Variants in SH2D3A observed in about 807,000 individuals in gnomAD.
SH2D3A encodes SH2 domain-containing protein 3A.
A neutral mutation model predicts 50.6 loss-of-function variants in SH2D3A; 46 were observed. The observed-to-expected ratio is 0.91, with a 90% CI of 0.72 to 1.16. SH2D3A has a LOEUF of 1.16. Among genes scored for constraint, SH2D3A ranks in the 50% most tolerant of loss-of-function variants. The pLI, the probability that SH2D3A is intolerant of heterozygous loss-of-function variation, is 0.00. For synonymous variants in SH2D3A, 377 were observed against 348.4 expected, an observed-to-expected ratio of 1.08 and a Z score of -0.91; for missense variants, 783 against 786.2, an observed-to-expected ratio of 1.00 and a Z score of 0.05.
At chr19:6,761,141 C>A in intron 2 of SH2D3A, 154 bp from the exon 3 acceptor site, 3 of 631,910 alleles carry the variant, frequency 4.7e-6, no homozygotes, top group Non-Finnish European at 8.2e-6. Context: ...ACACCAAGTT[C>A]TGTCCCCCTT....
chr19:6,756,135 TAGAG>T (rs1458791646), intron 4 of SH2D3A, among the ~76,000 whole-genome samples: 1 of 147,998 alleles, frequency 6.8e-6, no homozygotes. Flanking sequence ...ATCATATCTA[TAGAG>T]ATAGATATAT....
In SH2D3A at chr19:6,754,954, G is replaced by C. The variant is rs749560610; in HGVS notation, c.858C>G (p.Pro286=). 4.3e-6 allele frequency: 7 copies of C among 1,613,808 alleles called. No individual in the cohort carries two copies. The highest frequency in any genetic ancestry group is 2.2e-5 in the East Asian group (1 of 44,888). Residue 286 remains proline (P), a synonymous_variant, in exon 5 of 10, where the codon CCC becomes CCG. Coordinates refer to ENST00000245908, the MANE Select transcript of SH2D3A (RefSeq NM_005490.3). Reference sequence around the variant, plus strand: ...GATTCTGGGGGCCCAGCAGGCAGGAGGGGGCATCATGGGGGCAGAAAGAGA... The same window carrying C: ...GATTCTGGGGGCCCAGCAGGCAGGACGGGGCATCATGGGGGCAGAAAGAGA... ...AEISFCPHDA[P]SCLLGPQNRP... is the part of the protein sequence containing the mutation.
At chr19:6,753,943 A>G in intron 8 of SH2D3A, 109 bp downstream of exon 8, 1 of 1,335,012 alleles carries the variant, frequency 7.5e-7, no homozygotes, top group Non-Finnish European at 1.0e-6. Flanking sequence ...GCCTATGGTG[A>G]AGGGACCGGG....
chr19:6,762,356 TG>T (rs1970070266), intron 2 of SH2D3A, among the ~76,000 whole-genome samples: 2 of 151,170 alleles, frequency 1.3e-5, no homozygotes, highest in African/African-American at 4.9e-5. Flanking sequence ...GCTACTTTTT[TG>T]TATTTTTAGT....
intron 1 of SH2D3A, among the ~76,000 whole-genome samples, chr19:6,765,788 G>A (rs867720114): frequency 4.6e-4 from 69 of 150,286 alleles, no homozygotes; most frequent in African/African-American, 1.7e-3. Flanking sequence ...CCAGGGTTAA[G>A]ATTTTTAAAA....
At chr19:6,753,965 T>TG in intron 8 of SH2D3A, 87 bp downstream of exon 8, 2 of 1,432,076 alleles carry the variant, frequency 1.4e-6, no homozygotes. Context: ...CTAGAACAGA[T>TG]GCAGGGACTG....
In SH2D3A at chr19:6,763,751, A is replaced by G. The variant is rs377444275; in HGVS notation, c.-3T>C. 16 of 1,612,064 alleles carry G rather than the reference A, an allele frequency of 9.9e-6. No individual in the cohort carries two copies. The highest frequency in any genetic ancestry group is 1.4e-5 in the Non-Finnish European group (16 of 1,179,476). On this transcript the variant is annotated 5_prime_UTR_variant, in exon 2 of 10. Transcript: ENST00000245908. ...TCTCCATCCTGTGGCACCTGCATGG[A>G]GCTCTTGGGAACAGAGGGTGCCAGG...
chr19:6,752,576 G>A lies in SH2D3A; in HGVS notation c.*17C>T, dbSNP rs1969374954. On this transcript the variant is annotated 3_prime_UTR_variant, in exon 10 of 10. Coordinates refer to ENST00000245908, the MANE Select transcript of SH2D3A (RefSeq NM_005490.3). The stretch of plus-strand genomic sequence containing the variant: ...AAAACCTGGGGGTCCCGGGTGTGAA[G>A]AAGGGTGTCTGCGCTCTCAGCGGTC... 2 of 1,524,042 alleles carry A rather than the reference G, an allele frequency of 1.3e-6. No homozygotes were observed. Among genetic ancestry groups the A allele is most frequent in the East Asian group, 2.4e-5 (1 of 41,898 alleles). 94.4% of individuals were successfully genotyped at this position (1,524,042 alleles called of 1,614,324 possible). A position where few individuals can be genotyped will look rare whatever the true frequency, so the allele number is the denominator to read the frequency against.
At chr19:6,758,650 T>A (rs1969834062) in intron 4 of SH2D3A, 1 of 152,278 alleles carries the variant, frequency 6.6e-6, no homozygotes, top group Non-Finnish European at 1.5e-5. Flanking sequence ...CAAAATTGCC[T>A]TATTTTTGTG....
At chr19:6,754,454 G>A in intron 6 of SH2D3A, 29 bp from the exon 7 acceptor site, 2 of 1,530,402 alleles carry the variant, frequency 1.3e-6, no homozygotes, top group South Asian at 1.3e-5. Context: ...AGGGTCTGGG[G>A]GAAGTGGGGA....
At position 6,754,645 on chromosome 19, in the gene SH2D3A, TC is replaced by T. The variant is rs1295590682; in HGVS notation, c.1067del (p.Gly356AspfsTer4). The T allele has an allele frequency of 6.2e-6, 10 of 1,614,064 alleles. No individual in the cohort carries two copies. In the Middle Eastern group the frequency reaches 4.9e-4, roughly 80 times the overall value. On this transcript the variant is annotated frameshift_variant, in exon 6 of 10. Coordinates refer to ENST00000245908, the MANE Select transcript of SH2D3A (RefSeq NM_005490.3). LOFTEE classifies it high-confidence loss of function. ...SGLELLTLPH[G>X]HHLRLELLER... ...CCAGCAGTTCCAACCTCAAGTGGTG[TC>T]CATGGGGAAGAGTGAGCAGCTCCAG...
chr19:6,760,828 G>A lies in SH2D3A; in HGVS notation c.229C>T (p.Leu77Phe), dbSNP rs368368775. 1 of 1,614,280 alleles carries A rather than the reference G, an allele frequency of 6.2e-7. No individual in the cohort carries two copies. The highest frequency in any genetic ancestry group is 1.7e-5 in the Admixed American group (1 of 60,026). ...AATTGCTCATCCTCCAGTTGAAAGA[G>A]GGCTGTGGGTCGGCCTGGCCGGGGA... is the stretch of plus-strand genomic sequence containing the variant. ...LRPRPGRPTA[L>F]FQLEDEQFPS... The change falls in exon 3 of 10, where the codon CTC (leucine) becomes TTC (phenylalanine). Residue 77 changes from leucine (L) to phenylalanine (F), a missense_variant. Transcript: ENST00000245908.
At chr19:6,755,660 A>C (rs969644471) in intron 4 of SH2D3A, among the ~76,000 whole-genome samples, 8 of 151,486 alleles carry the variant, frequency 5.3e-5, no homozygotes, top group Admixed American at 2.0e-4. Context: ...AACTGCTGGG[A>C]TCACAGGCAT....
Position 6,754,606 on chromosome 19 carries a change from G to A in SH2D3A, c.1097+10C>T. The A allele has an allele frequency of 6.2e-7, 1 of 1,614,106 alleles. No individual in the cohort carries two copies. The highest frequency in any genetic ancestry group is 8.5e-7 in the Non-Finnish European group (1 of 1,179,954). On this transcript the variant is annotated intron_variant, in intron 6 of 9. Transcript: ENST00000245908. ...CCTCCCCCAACCAAGATTACAAGCT[G>A]CTGGCTCACCTCTCCAGCAGTTCCA...
At chr19:6,752,782 CG>C in intron 9 of SH2D3A, 29 bp from the exon 10 acceptor site, 1 of 1,497,158 alleles carries the variant, frequency 6.7e-7, no homozygotes, top group Non-Finnish European at 9.0e-7. Context: ...GGGCTGGGGG[CG>C]GGGCCCAGGC....
Position 6,754,730 on chromosome 19 carries a change from G to T in SH2D3A, c.983C>A (p.Ala328Asp). 6.2e-7 allele frequency: 1 copy of T among 1,613,902 alleles called. No homozygotes were observed. Among genetic ancestry groups the T allele is most frequent in the East Asian group, 2.2e-5 (1 of 44,882 alleles). Residue 328 changes from alanine (A) to aspartate (D), a missense_variant and splice_region_variant, in exon 6 of 10, where the codon GCC (alanine) becomes GAC (aspartate). By Grantham distance (126) the Ala-to-Asp change is moderately radical (BLOSUM62 -2). Transcript: ENST00000245908. ...TCTGGTCACTCCCAGGAGGCCTGTG[G>T]CCTGCAGAAGGGAATGGGGAAGTCA... ...ALHLLLVDCQATGLLGVTRDQ... is the reference protein window; with the variant it reads ...ALHLLLVDCQDTGLLGVTRDQ...
In SH2D3A at chr19:6,753,471, C is replaced by A; in HGVS notation, c.1555G>T (p.Ala519Ser). 6.6e-7 allele frequency: 1 copy of A among 1,518,656 alleles called. No homozygotes were observed. The highest frequency in any genetic ancestry group is 8.9e-7 in the Non-Finnish European group (1 of 1,127,300). The allele number at this position is 1,518,656 out of a possible 1,614,324, so 94.1% of individuals were successfully genotyped here. A position where few individuals can be genotyped will look rare whatever the true frequency, so the allele number is the denominator to read the frequency against. The change falls in exon 9 of 10, where the codon GCC becomes TCC. Residue 519 changes from alanine to serine, a missense_variant. Physicochemically the swap from Ala to Ser is moderately conservative, Grantham distance 99. Coordinates refer to ENST00000245908, the MANE Select transcript of SH2D3A (RefSeq NM_005490.3). ...RDAPKFRKVA[A>S]QRLRGFRPNP... The stretch of plus-strand genomic sequence containing the variant: ...GAACGCTCACCTCGCAGGCGCTGGG[C>A]TGCCACCTTGCGGAATTTGGGTGCG...
chr19:6,752,444 G>C lies in SH2D3A; in HGVS notation c.*149C>G, dbSNP rs574811997. ...CAGGTCACATGTTCACCATGGTCCA[G>C]GTGACCCTGACTGCGGTCCCCACCT... is the stretch of plus-strand genomic sequence containing the variant. On this transcript the variant is annotated 3_prime_UTR_variant, in exon 10 of 10. Coordinates refer to ENST00000245908, the MANE Select transcript of SH2D3A (RefSeq NM_005490.3). The C allele has an allele frequency of 1.6e-6, 1 of 622,586 alleles. No individual in the cohort carries two copies. The highest frequency in any genetic ancestry group is 4.5e-5 in the South Asian group (1 of 22,058). The allele number at this position is 622,586 out of a possible 1,614,324, so 38.6% of individuals were successfully genotyped here.
intron 4 of SH2D3A, among the ~76,000 whole-genome samples, chr19:6,756,435 CTTTT>C (rs998746604): frequency 6.6e-6 from 1 of 150,780 alleles, no homozygotes; most frequent in Admixed American, 6.6e-5. Context: ...ACTTTCTTTT[CTTTT>C]TTTTCTTTTT....
Sources: gnomAD v4.1 joint callset for allele counts (sites outside exome capture counted in the v4.1 genomes callset) on GRCh38, gnomAD v4.1.1 for gene constraint, MANE v1.5 for transcripts, NCBI Gene and HGNC (gene_info 2026-07-23, HGNC 2026-07-21) for gene names.